Variants in MECOM observed in about 807,000 individuals in gnomAD.
The protein encoded by MECOM is histone-lysine N-methyltransferase MECOM.
Under a neutral mutation model 116.3 loss-of-function variants are expected in MECOM, and 13 were observed. That is an observed-to-expected ratio of 0.11 (90% CI 0.07 to 0.18). The LOEUF is 0.18. Among genes scored for constraint, MECOM ranks in the 10% least tolerant of loss-of-function variants. The pLI is 1.00. For synonymous variants in MECOM, 528 were observed against 535.2 expected, an observed-to-expected ratio of 0.99 and a Z score of 0.19; for missense variants, 1,299 against 1,509.0, an observed-to-expected ratio of 0.86 and a Z score of 2.31.
At chr3:169,453,237 C>G (rs918048616) in intron 1 of MECOM, among the ~76,000 whole-genome samples, 1 of 152,208 alleles carries the variant, frequency 6.6e-6, no homozygotes, top group African/African-American at 2.4e-5. Context: ...AGAGAGCAAG[C>G]AACTATATTT....
intron 2 of MECOM, among the ~76,000 whole-genome samples, chr3:169,355,904 T>C (rs1231746145): frequency 6.6e-6 from 1 of 151,866 alleles, no homozygotes. Flanking sequence ...TTGATTTTCA[T>C]GAAAGGATTG....
chr3:169,378,003 T>C (rs1380591966), intron 2 of MECOM, among the ~76,000 whole-genome samples: 1 of 151,950 alleles, frequency 6.6e-6, no homozygotes, highest in African/African-American at 2.4e-5. Context: ...TAAAAAAGAA[T>C]GAGTTCATGT....
At chr3:169,086,177 T>C (rs942811988) in intron 16 of MECOM, among the ~76,000 whole-genome samples, 2 of 152,336 alleles carry the variant, frequency 1.3e-5, no homozygotes, top group East Asian at 1.9e-4. Context: ...TTGACTTTTA[T>C]GTATGCAATT....
intron 2 of MECOM, among the ~76,000 whole-genome samples, chr3:169,155,070 A>G (rs554799069): frequency 6.6e-6 from 1 of 152,344 alleles, no homozygotes; most frequent in Admixed American, 6.5e-5. Context: ...GATATCTTCA[A>G]TAACAGCTTT....
intron 8 of MECOM, among the ~76,000 whole-genome samples, chr3:169,113,184 T>C (rs1398469417): frequency 6.6e-6 from 1 of 152,096 alleles, no homozygotes; most frequent in East Asian, 1.9e-4. Context: ...TACCTTTCCA[T>C]TCCAAATGTA....
At chr3:169,094,131 G>A (rs1267680836) in intron 13 of MECOM, among the ~76,000 whole-genome samples, 1 of 152,058 alleles carries the variant, frequency 6.6e-6, no homozygotes, top group Non-Finnish European at 1.5e-5. Context: ...TGAGGGAGAC[G>A]AACAGTATAT....
chr3:169,227,578 C>A (rs1752890223), intron 2 of MECOM, among the ~76,000 whole-genome samples: 1 of 152,014 alleles, frequency 6.6e-6, no homozygotes, highest in Non-Finnish European at 1.5e-5. Flanking sequence ...AGGCTTTGAC[C>A]CCAACCATCT....
intron 1 of MECOM, among the ~76,000 whole-genome samples, chr3:169,642,204 G>A (rs1773575750): frequency 2.0e-5 from 3 of 152,048 alleles, no homozygotes; most frequent in Admixed American, 2.0e-4. Flanking sequence ...ACACTTGCAG[G>A]GAATTAAAAA....
intron 2 of MECOM, among the ~76,000 whole-genome samples, chr3:169,320,325 G>T (rs1476851809): frequency 6.6e-6 from 1 of 152,188 alleles, no homozygotes; most frequent in Non-Finnish European, 1.5e-5. Context: ...AATAAACTGG[G>T]ACTGTCTGAG....
intron 1 of MECOM, among the ~76,000 whole-genome samples, chr3:169,432,332 A>G (rs1477569961): frequency 6.6e-6 from 1 of 151,886 alleles, no homozygotes; most frequent in Non-Finnish European, 1.5e-5. Context: ...CTACTTTTGT[A>G]TTTTTGGTAG....
At chr3:169,340,499 A>G (rs1724322077) in intron 2 of MECOM, among the ~76,000 whole-genome samples, 1 of 152,212 alleles carries the variant, frequency 6.6e-6, no homozygotes, top group African/African-American at 2.4e-5. Flanking sequence ...TAGAACTGTC[A>G]TCGAGCCTGG....
intron 2 of MECOM, chr3:169,147,455 G>A (rs187983687): frequency 2.1e-5 from 21 of 985,410 alleles, no homozygotes; most frequent in Non-Finnish European, 2.4e-5. Context: ...GCTATCTCCC[G>A]CCGCCCAGAG....
At chr3:169,562,139 CAAAAAAA>C (rs10714325) in intron 1 of MECOM, among the ~76,000 whole-genome samples, 9 of 25,280 alleles carry the variant, frequency 3.6e-4, no homozygotes, top group South Asian at 3.4e-3. Context: ...GAGCAATACT[CAAAAAAA>C]AAAAAAAAAA....
chr3:169,517,648 A>G (rs1756800956), intron 1 of MECOM, among the ~76,000 whole-genome samples: 1 of 152,186 alleles, frequency 6.6e-6, no homozygotes, highest in African/African-American at 2.4e-5. Context: ...AATGACTGCT[A>G]TTTTCTAAAC....
intron 1 of MECOM, among the ~76,000 whole-genome samples, chr3:169,477,759 T>G (rs1476396403): frequency 1.3e-5 from 2 of 152,220 alleles, no homozygotes; most frequent in Non-Finnish European, 2.9e-5. Context: ...ATCTGTACTG[T>G]TTCCACCAAA....
chr3:169,252,722 C>T (rs927329845), intron 2 of MECOM, among the ~76,000 whole-genome samples: 1 of 152,074 alleles, frequency 6.6e-6, no homozygotes, highest in Non-Finnish European at 1.5e-5. Flanking sequence ...CCCACAGAGG[C>T]ACTAAAGGAC....
chr3:169,224,182 C>T (rs1752457482), intron 2 of MECOM, among the ~76,000 whole-genome samples: 1 of 152,128 alleles, frequency 6.6e-6, no homozygotes, highest in Non-Finnish European at 1.5e-5. Context: ...TAGAGAACGT[C>T]AGCTCCTGCT....
At chr3:169,431,265 G>A (rs550636036) in intron 1 of MECOM, among the ~76,000 whole-genome samples, 58 of 152,300 alleles carry the variant, frequency 3.8e-4, no homozygotes, top group Non-Finnish European at 7.6e-4. Context: ...AGTGGGAGGA[G>A]TAGGAAGGGA....
intron 2 of MECOM, among the ~76,000 whole-genome samples, chr3:169,310,370 TACTC>T (rs2149729195): frequency 6.6e-6 from 1 of 152,340 alleles, no homozygotes; most frequent in Non-Finnish European, 1.5e-5. Context: ...AAATCGCTGA[TACTC>T]AGTCCTTTAT....
Sources: allele counts gnomAD v4.1 joint callset (sites outside exome capture counted in the v4.1 genomes callset), GRCh38; gene constraint gnomAD v4.1.1; transcripts MANE v1.5; gene names NCBI Gene and HGNC (gene_info 2026-07-23, HGNC 2026-07-21).